CNTNAP2: variants seen among roughly 807,000 people sequenced by gnomAD.
CNTNAP2 encodes the protein contactin associated protein 2.
In CNTNAP2, 98 loss-of-function variants were observed where a neutral mutation model predicts 155.2. The observed-to-expected ratio is 0.63, with a 90% CI of 0.54 to 0.75. The LOEUF is 0.75. Ranked by LOEUF, CNTNAP2 falls within the 30% of genes least tolerant of loss-of-function variation. CNTNAP2 has a pLI of 0.00. For missense variants in CNTNAP2, 1,727 were observed against 1,688.1 expected (o/e 1.02, Z -0.40); for synonymous variants, 651 against 631.2 (o/e 1.03, Z -0.47).
chr7:147,197,068 C>T (rs1347872000), intron 8 of CNTNAP2, among the ~76,000 whole-genome samples: 2 of 152,142 alleles, frequency 1.3e-5, no homozygotes, highest in Non-Finnish European at 2.9e-5. Context: ...ATCCCCCCTC[C>T]TTTTCTGTGT....
chr7:147,233,882 A>T (rs1384651298), intron 8 of CNTNAP2, among the ~76,000 whole-genome samples: 1 of 152,028 alleles, frequency 6.6e-6, no homozygotes, highest in Non-Finnish European at 1.5e-5. Flanking sequence ...TTTCCATGAC[A>T]GTAATTATTT....
intron 13 of CNTNAP2, among the ~76,000 whole-genome samples, chr7:147,739,553 G>A (rs1254252587): frequency 6.6e-6 from 1 of 152,008 alleles, no homozygotes; most frequent in African/African-American, 2.4e-5. Flanking sequence ...TTATGGAAAG[G>A]TGAGTCTAAT....
At chr7:146,344,246 A>G (rs1340894693) in intron 1 of CNTNAP2, among the ~76,000 whole-genome samples, 2 of 152,192 alleles carry the variant, frequency 1.3e-5, no homozygotes, top group African/African-American at 2.4e-5. Context: ...AACTATCTTT[A>G]CTAGATTTGA....
intron 8 of CNTNAP2, among the ~76,000 whole-genome samples, chr7:147,277,497 TTAC>T (rs1208797855): frequency 1.3e-5 from 2 of 151,972 alleles, no homozygotes; most frequent in Non-Finnish European, 1.5e-5. Flanking sequence ...AAGTCAGAAT[TTAC>T]TACTATTTGA....
intron 15 of CNTNAP2, among the ~76,000 whole-genome samples, chr7:148,000,947 C>T (rs763269462): frequency 1.3e-5 from 2 of 152,174 alleles, no homozygotes; most frequent in Non-Finnish European, 2.9e-5. Context: ...TGGGGGCTCA[C>T]GGCAGCCCTT....
At chr7:146,969,219 C>T (rs1005519225) in intron 3 of CNTNAP2, among the ~76,000 whole-genome samples, 6 of 152,046 alleles carry the variant, frequency 3.9e-5, no homozygotes, top group African/African-American at 1.4e-4. Flanking sequence ...CTGAGGAGAA[C>T]TTTACTTCCA....
chr7:146,236,750 T>C (rs1050533212), intron 1 of CNTNAP2, among the ~76,000 whole-genome samples: 2 of 152,196 alleles, frequency 1.3e-5, no homozygotes, highest in Non-Finnish European at 2.9e-5. Flanking sequence ...TATATCTATA[T>C]ATCAAATTCC....
chr7:146,381,338 GT>G (rs1795386212), intron 1 of CNTNAP2, among the ~76,000 whole-genome samples: 1 of 152,132 alleles, frequency 6.6e-6, no homozygotes, highest in African/African-American at 2.4e-5. Flanking sequence ...CCATAGTAGA[GT>G]TACAATATTA....
chr7:146,549,188 G>A (rs1256199538), intron 1 of CNTNAP2, among the ~76,000 whole-genome samples: 2 of 151,668 alleles, frequency 1.3e-5, no homozygotes, highest in Non-Finnish European at 2.9e-5. Context: ...CATTTTCTGA[G>A]AGATGCATAT....
chr7:147,730,497 T>C (rs974321856), intron 13 of CNTNAP2, among the ~76,000 whole-genome samples: 1 of 152,058 alleles, frequency 6.6e-6, no homozygotes, highest in Non-Finnish European at 1.5e-5. Context: ...TATAATTGTT[T>C]TGGGGAACCA....
intron 1 of CNTNAP2, among the ~76,000 whole-genome samples, chr7:146,229,190 C>T (rs1799343930): frequency 6.6e-6 from 1 of 152,034 alleles, no homozygotes; most frequent in Non-Finnish European, 1.5e-5. Context: ...GTCACTTTTT[C>T]CCCTTATAAA....
intron 12 of CNTNAP2, among the ~76,000 whole-genome samples, chr7:147,610,302 T>A (rs1801157776): frequency 6.6e-6 from 1 of 152,142 alleles, no homozygotes; most frequent in Admixed American, 6.5e-5. Context: ...CAAGTGGTTT[T>A]TTTTCTTTGT....
intron 22 of CNTNAP2, among the ~76,000 whole-genome samples, chr7:148,384,684 C>T (rs1202171253): frequency 6.6e-6 from 1 of 152,126 alleles, no homozygotes; most frequent in East Asian, 1.9e-4. Flanking sequence ...CTCCAGGCAA[C>T]ATGTGATGTT....
At position 148,364,793 on chromosome 7, in the gene CNTNAP2, C is replaced by T. The variant is rs113788756; in HGVS notation, c.3476-18856C>T. 3.3e-5 allele frequency among the ~76,000 whole-genome samples: 5 copies of T among 152,264 alleles called. No homozygotes were observed. In the East Asian group the frequency reaches 7.7e-4, roughly 24 times the overall value. ...AGAGAATAAAAGCAGGCTGCCCGAG[C>T]CAGCATTGGCAACCCGCTCGGGTCC... is the stretch of plus-strand genomic sequence containing the variant. On this transcript the variant is annotated intron_variant, in intron 21 of 23. Transcript: ENST00000361727.
At chr7:146,199,937 A>C (rs1350437669) in intron 1 of CNTNAP2, among the ~76,000 whole-genome samples, 1 of 152,184 alleles carries the variant, frequency 6.6e-6, no homozygotes, top group Non-Finnish European at 1.5e-5. Context: ...GGCTAGCTAA[A>C]ATAAACTAAT....
chr7:147,125,813 T>C (rs1322649214), intron 6 of CNTNAP2, among the ~76,000 whole-genome samples: 2 of 152,066 alleles, frequency 1.3e-5, no homozygotes, highest in African/African-American at 2.4e-5. Context: ...CAGGAAGTAA[T>C]AGAAAAAAAT....
intron 3 of CNTNAP2, among the ~76,000 whole-genome samples, chr7:146,851,918 TC>T (rs1336810086): frequency 2.0e-5 from 3 of 152,000 alleles, no homozygotes; most frequent in African/African-American, 4.8e-5. Context: ...ACTCCTGAGC[TC>T]AAGCAGTCCT....
intron 8 of CNTNAP2, among the ~76,000 whole-genome samples, chr7:147,191,650 C>CT (rs1802682563): frequency 6.6e-6 from 1 of 152,132 alleles, no homozygotes; most frequent in South Asian, 2.1e-4. Context: ...GTGAAAAACA[C>CT]TATTTCTGGA....
At chr7:146,388,000 G>A (rs1043176778) in intron 1 of CNTNAP2, among the ~76,000 whole-genome samples, 1 of 147,472 alleles carries the variant, frequency 6.8e-6, no homozygotes, top group Non-Finnish European at 1.5e-5. Flanking sequence ...TATCATGTGT[G>A]TGCATGAGTG....
Sources: gnomAD v4.1 joint callset for allele counts (sites outside exome capture counted in the v4.1 genomes callset) on GRCh38, gnomAD v4.1.1 for gene constraint, MANE v1.5 for transcripts, NCBI Gene and HGNC (gene_info 2026-07-23, HGNC 2026-07-21) for gene names.